ARB2A: variants seen among roughly 807,000 people sequenced by gnomAD.
ARB2A encodes ARB2 cotranscriptional regulator A, also known as cotranscriptional regulator ARB2A.
At chr5:93,968,574 C>A in the ARB2A span, among the ~76,000 whole-genome samples, 4 of 151,734 alleles carry the variant, frequency 2.6e-5, no homozygotes, top group Admixed American at 1.3e-4. Flanking sequence ...AACTGTGGGG[C>A]AATCACACAA....
the ARB2A span, among the ~76,000 whole-genome samples, chr5:93,850,807 C>T: frequency 1.3e-5 from 2 of 152,034 alleles, no homozygotes; most frequent in African/African-American, 2.4e-5. Flanking sequence ...CATACTGTAA[C>T]TAACTCAGCA....
At chr5:93,931,670 A>G in the ARB2A span, among the ~76,000 whole-genome samples, 19 of 152,200 alleles carry the variant, frequency 1.2e-4, no homozygotes, top group Admixed American at 3.9e-4. Flanking sequence ...CACAAAGTAC[A>G]AAAGTACTAA....
At chr5:93,683,361 C>G in the ARB2A span, 2 of 1,603,144 alleles carry the variant, frequency 1.2e-6, no homozygotes, top group Admixed American at 3.3e-5. Context: ...GCATCTTCCT[C>G]CACAGCTACT....
the ARB2A span, among the ~76,000 whole-genome samples, chr5:94,082,940 T>C: frequency 2.0e-5 from 3 of 152,194 alleles, no homozygotes; most frequent in Admixed American, 2.0e-4. Flanking sequence ...TTATTTACTT[T>C]ATCCAGAAAA....
At chr5:93,925,704 G>A in the ARB2A span, among the ~76,000 whole-genome samples, 3 of 152,166 alleles carry the variant, frequency 2.0e-5, no homozygotes, top group African/African-American at 7.2e-5. Context: ...AGGGATAAGG[G>A]GAGGACTACT....
chr5:93,884,208 T>C, the ARB2A span, among the ~76,000 whole-genome samples: 1 of 151,590 alleles, frequency 6.6e-6, no homozygotes, highest in Non-Finnish European at 1.5e-5. Context: ...GTCACCAGAA[T>C]TGTAAGACTA....
At chr5:93,655,690 C>T in the ARB2A span, among the ~76,000 whole-genome samples, 2 of 152,138 alleles carry the variant, frequency 1.3e-5, no homozygotes, top group African/African-American at 2.4e-5. Flanking sequence ...TGTTATATTA[C>T]TCTGCAGTAC....
At chr5:93,840,346 T>C in the ARB2A span, among the ~76,000 whole-genome samples, 2 of 152,176 alleles carry the variant, frequency 1.3e-5, no homozygotes, top group Non-Finnish European at 2.9e-5. Context: ...GTAGTGAATA[T>C]AGCTGACAAA....
the ARB2A span, among the ~76,000 whole-genome samples, chr5:94,087,340 G>C: frequency 6.6e-6 from 1 of 151,964 alleles, no homozygotes; most frequent in African/African-American, 2.4e-5. Context: ...CCAAGAGTTT[G>C]AATCTGCAGT....
At chr5:93,906,623 TTC>T in the ARB2A span, among the ~76,000 whole-genome samples, 1 of 151,566 alleles carries the variant, frequency 6.6e-6, no homozygotes, top group Middle Eastern at 3.4e-3. Context: ...CAGAAAAAAA[TTC>T]TTAGTATATG....
the ARB2A span, among the ~76,000 whole-genome samples, chr5:93,728,921 C>A: frequency 6.6e-6 from 1 of 152,000 alleles, no homozygotes; most frequent in Non-Finnish European, 1.5e-5. Flanking sequence ...AATATTTCTT[C>A]TCATGCATTT....
the ARB2A span, among the ~76,000 whole-genome samples, chr5:93,985,549 G>A: frequency 2.6e-5 from 4 of 152,110 alleles, no homozygotes; most frequent in African/African-American, 7.2e-5. Context: ...TCAGCCTGCC[G>A]AGTGCCTGGG....
the ARB2A span, among the ~76,000 whole-genome samples, chr5:93,859,305 A>T: frequency 6.6e-6 from 1 of 152,266 alleles, no homozygotes; most frequent in African/African-American, 2.4e-5. Flanking sequence ...TAGGGTCAGG[A>T]TAATTATCAA....
chr5:93,997,209 A>G, the ARB2A span, among the ~76,000 whole-genome samples: 2 of 152,012 alleles, frequency 1.3e-5, no homozygotes, highest in African/African-American at 4.8e-5. Context: ...ATCACTAAAC[A>G]TAAGTTGTTT....
chr5:93,872,871 C>T, the ARB2A span, among the ~76,000 whole-genome samples: 1 of 151,452 alleles, frequency 6.6e-6, no homozygotes, highest in Non-Finnish European at 1.5e-5. Context: ...GAGCCGAGAT[C>T]GCGCCACTGC....
chr5:93,887,433 T>C, the ARB2A span, among the ~76,000 whole-genome samples: 1 of 151,808 alleles, frequency 6.6e-6, no homozygotes, highest in African/African-American at 2.4e-5. Context: ...ATATAACTTT[T>C]CTTGACCATT....
the ARB2A span, among the ~76,000 whole-genome samples, chr5:93,954,020 C>T: frequency 6.6e-6 from 1 of 152,154 alleles, no homozygotes; most frequent in Non-Finnish European, 1.5e-5. Context: ...CCTGTAAGGG[C>T]AGTGGGCTCC....
the ARB2A span, among the ~76,000 whole-genome samples, chr5:93,844,588 A>T: frequency 6.6e-6 from 1 of 152,190 alleles, no homozygotes; most frequent in East Asian, 1.9e-4. Flanking sequence ...CAACTGGGAG[A>T]TATGGACATT....
the ARB2A span, among the ~76,000 whole-genome samples, chr5:94,093,248 TAAC>T: frequency 6.6e-6 from 1 of 152,032 alleles, no homozygotes; most frequent in East Asian, 1.9e-4. Context: ...AACTGCTGAT[TAAC>T]AACAACAAAA....
Sources: allele counts gnomAD v4.1 joint callset (sites outside exome capture counted in the v4.1 genomes callset), GRCh38; gene constraint gnomAD v4.1.1; transcripts MANE v1.5; gene names NCBI Gene and HGNC (gene_info 2026-07-23, HGNC 2026-07-21).